The following RHOBTB2 variants were observed in gnomAD, a reference collection of about 807,000 sequenced individuals.
RHOBTB2 encodes Rho related BTB domain containing 2.
A neutral mutation model predicts 66.5 loss-of-function variants in RHOBTB2; 39 were observed. The observed-to-expected ratio is 0.59, with a 90% CI of 0.45 to 0.77. The LOEUF is 0.77. Ranked by LOEUF, RHOBTB2 falls within the 30% of genes least tolerant of loss-of-function variation. The pLI is 0.00. For missense variants in RHOBTB2, 755 were observed against 999.1 expected, an observed-to-expected ratio of 0.76 and a Z score of 3.29; for synonymous variants, 390 against 395.0, an observed-to-expected ratio of 0.99 and a Z score of 0.15.
upstream of RHOBTB2, among the ~76,000 whole-genome samples, chr8:22,998,249 T>C (rs1049710328): frequency 6.6e-6 from 1 of 152,244 alleles, no homozygotes; most frequent in Non-Finnish European, 1.5e-5. Context: ...CTTTTGGCAG[T>C]AAATTTCTCT....
At chr8:23,012,661 C>T (rs976487078) in intron 7 of RHOBTB2, among the ~76,000 whole-genome samples, 1 of 152,172 alleles carries the variant, frequency 6.6e-6, no homozygotes, top group Non-Finnish European at 1.5e-5. Flanking sequence ...CTCTGTCACG[C>T]AGACTGGAGT....
At chr8:23,005,901 C>T in intron 3 of RHOBTB2, 59 bp from the exon 4 acceptor site, 2 of 1,533,208 alleles carry the variant, frequency 1.3e-6, no homozygotes, top group Non-Finnish European at 1.8e-6. Context: ...GCAGATGTTC[C>T]AGGACCAGGT....
intron 2 of RHOBTB2, 131 bp from the exon 3 acceptor site, chr8:23,005,241 T>C (rs1810911701): frequency 1.5e-6 from 1 of 661,500 alleles, no homozygotes; most frequent in South Asian, 1.7e-5. Flanking sequence ...CAGTGGGCGA[T>C]GCCAGCCTTG....
rs1191342191 is a variant in RHOBTB2, at chr8:23,007,361, G to A, written c.1116G>A (p.Arg372=). 8 of 1,613,748 alleles carry A rather than the reference G, an allele frequency of 5.0e-6. No individual in the cohort carries two copies. In the African/African-American group the frequency reaches 5.3e-5, roughly 11 times the overall value. Residue 372 remains arginine, a synonymous_variant, in exon 5 of 10, where the codon CGG becomes CGA. Transcript: ENST00000251822. ...LRASTSDGIL[R]GNGTGYLPGR... ...CTTCCACCAGCGACGGGATCTTACG[G>A]GGCAACGGAACAGGGTACCTACCGG... is the stretch of plus-strand genomic sequence containing the variant.
At chr8:22,980,506 C>T in the RHOBTB2 span, among the ~76,000 whole-genome samples, 2 of 152,140 alleles carry the variant, frequency 1.3e-5, no homozygotes, top group Non-Finnish European at 2.9e-5. Context: ...TCAGATTTTA[C>T]GTATTCAATT....
intron 7 of RHOBTB2, among the ~76,000 whole-genome samples, 187 bp from the exon 8 acceptor site, chr8:23,014,503 C>T (rs1044788068): frequency 9.2e-5 from 14 of 152,218 alleles, no homozygotes; most frequent in Admixed American, 8.5e-4. Context: ...CCCCGTTGAG[C>T]TCTTGCTGTC....
the RHOBTB2 span, among the ~76,000 whole-genome samples, chr8:22,958,946 C>A: frequency 6.6e-6 from 1 of 152,206 alleles, no homozygotes; most frequent in African/African-American, 2.4e-5. Context: ...CAATTGGGGC[C>A]ACTGTGTATG....
At chr8:22,971,350 A>T in the RHOBTB2 span, among the ~76,000 whole-genome samples, 3 of 144,274 alleles carry the variant, frequency 2.1e-5, no homozygotes, top group African/African-American at 5.1e-5. Flanking sequence ...ACGCCCATCT[A>T]TTTTTTTTTT....
intron 8 of RHOBTB2, among the ~76,000 whole-genome samples, chr8:23,014,991 A>G (rs545211652): frequency 6.6e-6 from 1 of 152,140 alleles, no homozygotes; most frequent in African/African-American, 2.4e-5. Flanking sequence ...CCAAGTGGGG[A>G]AGGGATGAGG....
Position 22,988,247 on chromosome 8 carries a change from C to A in RHOBTB2, c.-137+684C>A, listed in dbSNP as rs535174376. Among the ~76,000 whole-genome samples, 141 of 151,570 alleles carry A rather than the reference C, an allele frequency of 9.3e-4. 2 individuals carry two copies. Among genetic ancestry groups the A allele is most frequent in the African/African-American group, 3.0e-3 (125 of 41,262 alleles). On this transcript the variant is annotated intron_variant, in intron 1 of 11. Transcript: ENST00000519685. ...CAATCTCGGCCCACTGCAAACTCCGCCTCCCGAATTCAAGTGATTCTCCTG... is the reference window on the plus strand; with the variant it reads ...CAATCTCGGCCCACTGCAAACTCCGACTCCCGAATTCAAGTGATTCTCCTG...
intron 6 of RHOBTB2, 136 bp downstream of exon 6, chr8:23,008,247 T>G (rs1429012587): frequency 1.5e-6 from 1 of 655,952 alleles, no homozygotes; most frequent in Non-Finnish European, 2.7e-6. Flanking sequence ...GAGAGGTTTA[T>G]GAGGTGGTTC....
rs1358985804 is a variant in RHOBTB2, at chr8:23,019,878, G to T, written c.*2409G>T. The T allele has an allele frequency of 5.2e-6, 1 of 193,388 alleles. No individual in the cohort carries two copies. The highest frequency in any genetic ancestry group is 1.1e-5 in the Non-Finnish European group (1 of 92,620). 12.0% of individuals were successfully genotyped at this position (193,388 alleles called of 1,614,324 possible). On this transcript the variant is annotated 3_prime_UTR_variant, in exon 10 of 10. Transcript: ENST00000251822. ...CTGTGGGTGAGCCAGGCCAACATTG[G>T]TGTCCCTGTCCCCAGAGGGAGGAGC... is the stretch of plus-strand genomic sequence containing the variant.
chr8:22,973,505 A>T, the RHOBTB2 span, among the ~76,000 whole-genome samples: 1 of 152,142 alleles, frequency 6.6e-6, no homozygotes, highest in South Asian at 2.1e-4. Context: ...AAGCACTGAG[A>T]TTACAGGCGT....
chr8:22,972,475 G>A, the RHOBTB2 span, among the ~76,000 whole-genome samples: 2 of 152,166 alleles, frequency 1.3e-5, no homozygotes, highest in Non-Finnish European at 2.9e-5. Context: ...ACCACTGTCA[G>A]CCCTCCCGGG....
upstream of RHOBTB2, among the ~76,000 whole-genome samples, chr8:22,986,390 C>A (rs1466785633): frequency 6.6e-6 from 1 of 150,964 alleles, no homozygotes; most frequent in Non-Finnish European, 1.5e-5. Context: ...CCTCAGCCTC[C>A]TGGATAACTG....
intron 6 of RHOBTB2, 89 bp downstream of exon 6, chr8:23,008,200 C>G: frequency 1.1e-6 from 1 of 897,406 alleles, no homozygotes; most frequent in Non-Finnish European, 1.8e-6. Flanking sequence ...GTACTTTCTT[C>G]ACTGACTGTG....
At chr8:22,978,331 C>G in the RHOBTB2 span, among the ~76,000 whole-genome samples, 1 of 151,502 alleles carries the variant, frequency 6.6e-6, no homozygotes, top group East Asian at 1.9e-4. Flanking sequence ...ACTAAAAATA[C>G]AAAAAATTAG....
chr8:22,994,827 G>A (rs549351208), upstream of RHOBTB2, among the ~76,000 whole-genome samples: 5 of 152,316 alleles, frequency 3.3e-5, no homozygotes, highest in South Asian at 2.1e-4. Context: ...GTGCAATGGC[G>A]TGATCTCGGC....
chr8:22,992,542 G>C (rs1810450744), intron 2 of RHOBTB2, among the ~76,000 whole-genome samples: 3 of 152,088 alleles, frequency 2.0e-5, no homozygotes, highest in African/African-American at 4.8e-5. Context: ...TCTCCCTCTT[G>C]TACCCTCTCT....
Sources: allele counts gnomAD v4.1 joint callset (sites outside exome capture counted in the v4.1 genomes callset), GRCh38; gene constraint gnomAD v4.1.1; transcripts MANE v1.5; gene names NCBI Gene and HGNC (gene_info 2026-07-23, HGNC 2026-07-21).